Variants in ASAP1 observed in about 807,000 individuals in gnomAD.
ASAP1 encodes the protein ArfGAP with SH3 domain, ankyrin repeat and PH domain 1.
In ASAP1, 43 loss-of-function variants were observed where a neutral mutation model predicts 145.2. That is an observed-to-expected ratio of 0.30 (90% CI 0.23 to 0.38). The LOEUF is 0.38. Among genes scored for constraint, ASAP1 ranks in the 10% least tolerant of loss-of-function variants. ASAP1 has a pLI of 1.00. For synonymous variants in ASAP1, 546 were observed against 515.5 expected, an observed-to-expected ratio of 1.06 and a Z score of -0.80; for missense variants, 1,018 against 1,355.3, an observed-to-expected ratio of 0.75 and a Z score of 3.91.
chr8:130,338,148 C>T (rs1825153122), intron 3 of ASAP1, among the ~76,000 whole-genome samples: 1 of 152,202 alleles, frequency 6.6e-6, no homozygotes, highest in African/African-American at 2.4e-5. Flanking sequence ...ACCCTCACAA[C>T]AGACCCATGC....
chr8:130,341,681 A>G (rs558349021), intron 3 of ASAP1, among the ~76,000 whole-genome samples: 5 of 152,342 alleles, frequency 3.3e-5, no homozygotes, highest in Non-Finnish European at 5.9e-5. Flanking sequence ...AGATTAAATA[A>G]TTCCGTGTCT....
intron 4 of ASAP1, among the ~76,000 whole-genome samples, chr8:130,222,726 C>T (rs1192829911): frequency 6.6e-6 from 1 of 152,144 alleles, no homozygotes. Context: ...GATTAATGTG[C>T]CAAGAACTGT....
chr8:130,191,699 C>A (rs1001665888), intron 5 of ASAP1, among the ~76,000 whole-genome samples: 2 of 152,146 alleles, frequency 1.3e-5, no homozygotes, highest in Non-Finnish European at 2.9e-5. Context: ...AATATTATAA[C>A]CTACTGCAAG....
intron 3 of ASAP1, among the ~76,000 whole-genome samples, chr8:130,290,017 A>G (rs1450567567): frequency 6.6e-6 from 1 of 152,124 alleles, no homozygotes; most frequent in African/African-American, 2.4e-5. Flanking sequence ...GTACATGGTC[A>G]TTTATCTAAG....
intron 1 of ASAP1, among the ~76,000 whole-genome samples, chr8:130,404,541 T>A (rs895995368): frequency 1.2e-4 from 19 of 152,180 alleles, no homozygotes; most frequent in African/African-American, 4.6e-4. Context: ...AATAAGTATC[T>A]GTTACTTGCA....
At chr8:130,240,406 C>T (rs1244022817) in intron 3 of ASAP1, among the ~76,000 whole-genome samples, 2 of 151,992 alleles carry the variant, frequency 1.3e-5, no homozygotes, top group East Asian at 3.9e-4. Flanking sequence ...TACTGTCCTT[C>T]AATCAAACAA....
At chr8:130,351,108 T>C (rs1221098732) in intron 3 of ASAP1, among the ~76,000 whole-genome samples, 1 of 152,192 alleles carries the variant, frequency 6.6e-6, no homozygotes, top group Non-Finnish European at 1.5e-5. Context: ...TTTTCTTCCC[T>C]CTCCCAAACT....
chr8:130,210,196 C>T (rs571376297), intron 5 of ASAP1, among the ~76,000 whole-genome samples: 3 of 152,208 alleles, frequency 2.0e-5, no homozygotes, highest in African/African-American at 4.8e-5. Flanking sequence ...AAAATGAATA[C>T]AGAAGTAGAC....
chr8:130,133,677 A>C (rs2097587147), intron 15 of ASAP1, among the ~76,000 whole-genome samples: 1 of 147,438 alleles, frequency 6.8e-6, no homozygotes, highest in Non-Finnish European at 1.5e-5. Context: ...ACAAACAAAC[A>C]AACAAACAAA....
chr8:130,236,631 G>A (rs1423611843), intron 4 of ASAP1, among the ~76,000 whole-genome samples: 1 of 152,086 alleles, frequency 6.6e-6, no homozygotes, highest in Non-Finnish European at 1.5e-5. Flanking sequence ...AATTCACACA[G>A]AGATTTTATC....
At chr8:130,266,412 G>A (rs1253183667) in intron 3 of ASAP1, among the ~76,000 whole-genome samples, 3 of 152,106 alleles carry the variant, frequency 2.0e-5, no homozygotes, top group African/African-American at 7.2e-5. Context: ...GGAGGGTTCT[G>A]TGTACTGTAC....
At chr8:130,339,721 C>A (rs769118817) in intron 3 of ASAP1, among the ~76,000 whole-genome samples, 2 of 152,160 alleles carry the variant, frequency 1.3e-5, no homozygotes, top group African/African-American at 4.8e-5. Context: ...TGGTTCTGTG[C>A]CCTGAAGGTC....
intron 24 of ASAP1, among the ~76,000 whole-genome samples, chr8:130,101,366 C>G (rs959250051): frequency 6.6e-6 from 1 of 152,130 alleles, no homozygotes; most frequent in Admixed American, 6.6e-5. Flanking sequence ...GTAGATTGCT[C>G]TTGGTAGTAT....
intron 1 of ASAP1, among the ~76,000 whole-genome samples, chr8:130,443,144 C>T (rs1019485584): frequency 3.3e-5 from 5 of 152,000 alleles, no homozygotes; most frequent in Non-Finnish European, 5.9e-5. Flanking sequence ...GGACGCGAAA[C>T]CCCCCAGGGC....
intron 27 of ASAP1, 42 bp downstream of exon 27, chr8:130,076,306 G>T: frequency 6.7e-7 from 1 of 1,497,860 alleles, no homozygotes; most frequent in South Asian, 1.2e-5. Context: ...AGGGGGTAGT[G>T]ACACTTTAAT....
chr8:130,427,076 G>T (rs531487419), intron 1 of ASAP1, among the ~76,000 whole-genome samples: 1 of 152,340 alleles, frequency 6.6e-6, no homozygotes, highest in South Asian at 2.1e-4. Flanking sequence ...TTACTGGGCA[G>T]AGACGGCAGA....
chr8:130,191,338 G>A (rs1815126636), intron 5 of ASAP1, among the ~76,000 whole-genome samples: 1 of 152,138 alleles, frequency 6.6e-6, no homozygotes, highest in Non-Finnish European at 1.5e-5. Flanking sequence ...AGACCTGCAG[G>A]AGCAGATTAT....
chr8:130,138,311 G>GTCCCA (rs770123378), intron 13 of ASAP1, among the ~76,000 whole-genome samples: 4 of 152,162 alleles, frequency 2.6e-5, no homozygotes, highest in Admixed American at 1.3e-4. Flanking sequence ...AATGCCCTTT[G>GTCCCA]TCCCATATCT....
intron 23 of ASAP1, among the ~76,000 whole-genome samples, chr8:130,113,416 G>A (rs2097549761): frequency 6.6e-6 from 1 of 152,190 alleles, no homozygotes. Context: ...TCCTTGAGAA[G>A]GCAGACTGAG....
Sources: gnomAD v4.1 joint callset for allele counts (sites outside exome capture counted in the v4.1 genomes callset) on GRCh38, gnomAD v4.1.1 for gene constraint, MANE v1.5 for transcripts, NCBI Gene and HGNC (gene_info 2026-07-23, HGNC 2026-07-21) for gene names.